PDE7A: variants seen among roughly 807,000 people sequenced by gnomAD.
PDE7A encodes phosphodiesterase 7A.
In PDE7A, 39 loss-of-function variants were observed where a neutral mutation model predicts 64.3. The observed-to-expected ratio is 0.61, with a 90% CI of 0.47 to 0.79. The LOEUF is 0.79. Among genes scored for constraint, PDE7A ranks in the 30% least tolerant of loss-of-function variants. The pLI, the probability that PDE7A is intolerant of heterozygous loss-of-function variation, is 0.00. For synonymous variants in PDE7A, 203 were observed against 206.8 expected, an observed-to-expected ratio of 0.98 and a Z score of 0.16; for missense variants, 470 against 582.8, an observed-to-expected ratio of 0.81 and a Z score of 1.99.
chr8:65,833,746 T>C (rs1343669771), intron 1 of PDE7A, among the ~76,000 whole-genome samples: 2 of 152,096 alleles, frequency 1.3e-5, no homozygotes, highest in Non-Finnish European at 2.9e-5. Flanking sequence ...GGCGGATCAC[T>C]TGAGTCCTGG....
In PDE7A at chr8:65,784,638, CACAA is replaced by C. The variant is rs552257733; in HGVS notation, c.139-1799_139-1796del. 6.2e-4 allele frequency among the ~76,000 whole-genome samples: 94 copies of C among 151,854 alleles called. 1 individual carries two copies. The South Asian group carries it at 0.012, about 20-fold the overall frequency. ...GTTAAATTATGATGGTAAAAGTTAT[CACAA>C]ACAAAGTAAAGGATAAACTTCAAAC... is the stretch of plus-strand genomic sequence containing the variant. On this transcript the variant is annotated intron_variant, in intron 1 of 12. Coordinates refer to ENST00000401827, the MANE Select transcript of PDE7A (RefSeq NM_001242318.3).
At chr8:65,799,668 G>A (rs35688380) in intron 1 of PDE7A, among the ~76,000 whole-genome samples, 8,686 of 152,280 alleles carry the variant, frequency 0.057, 355 homozygotes, top group Middle Eastern at 0.11. Flanking sequence ...AAGGACAACT[G>A]AGTGGAAATA....
rs369888753 is a variant in PDE7A at position 65,809,071 on chromosome 8, G to A, written c.139-26228C>T. 9.8e-5 allele frequency among the ~76,000 whole-genome samples: 15 copies of A among 152,316 alleles called. No individual in the cohort carries two copies. The South Asian group carries it at 1.4e-3, about 15-fold the overall frequency. ...CAAGAGTTAGAAGATTTGGTTTCTG[G>A]TTCTAGAGTTAAACCTTATTAGCCA... On this transcript the variant is annotated intron_variant, in intron 1 of 12. Transcript: ENST00000401827.
chr8:65,791,592 C>A (rs569112209), intron 1 of PDE7A, among the ~76,000 whole-genome samples: 203 of 152,280 alleles, frequency 1.3e-3, no homozygotes, highest in Non-Finnish European at 2.6e-3. Context: ...TCATTTCTCA[C>A]GCTAGTTAAT....
rs537256921 is a variant in PDE7A, at chr8:65,716,969, A to T, written c.*2321T>A. On this transcript the variant is annotated 3_prime_UTR_variant, in exon 13 of 13. Transcript: ENST00000401827. ...GGGTGCCTGAGATATGACTAGTCCA[A>T]ATTGAGATGTGCTGTAAGTACACAA... 1.4e-4 allele frequency among the ~76,000 whole-genome samples: 22 copies of T among 152,318 alleles called. No homozygotes were observed. Among genetic ancestry groups the T allele is most frequent in the African/African-American group, 4.8e-4 (20 of 41,572 alleles).
chr8:65,719,573 C>T, intron 12 of PDE7A, 78 bp from the exon 13 acceptor site: 1 of 908,050 alleles, frequency 1.1e-6, no homozygotes. Context: ...ACAACATTAA[C>T]CTTCCTACAT....
intron 1 of PDE7A, among the ~76,000 whole-genome samples, chr8:65,811,139 G>A (rs1450788201): frequency 6.6e-6 from 1 of 152,034 alleles, no homozygotes; most frequent in Non-Finnish European, 1.5e-5. Context: ...AGGAGGAAGT[G>A]GAGAAAAAAA....
At chr8:65,794,011 A>G (rs1341334306) in intron 1 of PDE7A, among the ~76,000 whole-genome samples, 1 of 152,194 alleles carries the variant, frequency 6.6e-6, no homozygotes, top group East Asian at 1.9e-4. Context: ...TGCCAATTCT[A>G]AGGCTCTACA....
intron 5 of PDE7A, among the ~76,000 whole-genome samples, chr8:65,742,416 A>G (rs1294337086): frequency 6.6e-6 from 1 of 152,198 alleles, no homozygotes; most frequent in Non-Finnish European, 1.5e-5. Flanking sequence ...GCATCCTACC[A>G]GACAATAACT....
chr8:65,752,690 T>C (rs1013170907), intron 3 of PDE7A, among the ~76,000 whole-genome samples: 2 of 152,226 alleles, frequency 1.3e-5, no homozygotes, highest in Non-Finnish European at 2.9e-5. Flanking sequence ...TTAAATCTTC[T>C]GTTATTCCTG....
intron 1 of PDE7A, among the ~76,000 whole-genome samples, chr8:65,815,118 A>G (rs568368554): frequency 6.6e-6 from 1 of 152,192 alleles, no homozygotes; most frequent in Non-Finnish European, 1.5e-5. Context: ...AAAGAATAAT[A>G]CACATTTACA....
At chr8:65,736,795 T>G (rs919843436) in intron 6 of PDE7A, among the ~76,000 whole-genome samples, 11 of 151,112 alleles carry the variant, frequency 7.3e-5, no homozygotes, top group Non-Finnish European at 1.3e-4. Flanking sequence ...TATCTGTTTT[T>G]TTTTTTTTTT....
chr8:65,832,539 T>C (rs984293320), intron 1 of PDE7A, among the ~76,000 whole-genome samples: 4 of 152,172 alleles, frequency 2.6e-5, no homozygotes, highest in Admixed American at 2.6e-4. Flanking sequence ...GGCTGCAGTG[T>C]AGTAGCACGA....
In PDE7A at chr8:65,717,796, A is replaced by G. The variant is rs1806200332; in HGVS notation, c.*1494T>C. On this transcript the variant is annotated 3_prime_UTR_variant, in exon 13 of 13. Coordinates refer to ENST00000401827, the MANE Select transcript of PDE7A (RefSeq NM_001242318.3). ...TACACTCAAGCTTTCTCCCAAGAAA[A>G]TGGCTGTTGCAACAAACTGTAAACA... 6.6e-6 allele frequency: 1 copy of G among 152,244 alleles called. No homozygotes were observed. Among genetic ancestry groups the G allele is most frequent in the Non-Finnish European group, 1.5e-5 (1 of 68,038 alleles). 9.4% of individuals were successfully genotyped at this position (152,244 alleles called of 1,614,324 possible).
intron 12 of PDE7A, chr8:65,722,286 C>G (rs759285553): frequency 6.6e-6 from 1 of 152,294 alleles, no homozygotes; most frequent in Non-Finnish European, 1.5e-5. Context: ...GGCCACAGTT[C>G]TACACGCTCT....
chr8:65,777,618 C>T (rs536737847), intron 3 of PDE7A, among the ~76,000 whole-genome samples: 16 of 152,208 alleles, frequency 1.1e-4, no homozygotes, highest in South Asian at 8.3e-4. Flanking sequence ...GCTAGCCTTA[C>T]GTAACAAATT....
At chr8:65,745,676 A>G (rs1056060302) in intron 4 of PDE7A, among the ~76,000 whole-genome samples, 13 of 152,238 alleles carry the variant, frequency 8.5e-5, no homozygotes, top group African/African-American at 2.9e-4. Context: ...ATGAAACATT[A>G]TTTTGTTTTT....
intron 2 of PDE7A, among the ~76,000 whole-genome samples, chr8:65,782,536 G>A (rs1809446747): frequency 6.6e-6 from 1 of 152,162 alleles, no homozygotes; most frequent in Non-Finnish European, 1.5e-5. Context: ...GATGCAATTC[G>A]AAACTGTGTA....
At chr8:65,758,687 T>C (rs532473260) in intron 3 of PDE7A, among the ~76,000 whole-genome samples, 36 of 152,252 alleles carry the variant, frequency 2.4e-4, no homozygotes, top group Non-Finnish European at 4.1e-4. Flanking sequence ...GTTATCTCTC[T>C]GCCCAGTGCT....
Sources: gnomAD v4.1 joint callset for allele counts (sites outside exome capture counted in the v4.1 genomes callset) on GRCh38, gnomAD v4.1.1 for gene constraint, MANE v1.5 for transcripts, NCBI Gene and HGNC (gene_info 2026-07-23, HGNC 2026-07-21) for gene names.